Variants in ILDR2 observed in about 807,000 individuals in gnomAD.
The protein encoded by ILDR2 is immunoglobulin like domain containing receptor 2.
ILDR2 carries 25 observed loss-of-function variants against 66.8 expected under a neutral mutation model. The observed-to-expected ratio is 0.37, with a 90% CI of 0.27 to 0.52. The LOEUF (loss-of-function observed/expected upper bound fraction) is 0.52, where lower values mean the gene tolerates loss of function less well. Ranked by LOEUF, ILDR2 falls within the 20% of genes least tolerant of loss-of-function variation. The pLI is 0.88. For synonymous variants in ILDR2, 367 were observed against 357.2 expected (o/e 1.03, Z -0.31); for missense variants, 827 against 876.8 (o/e 0.94, Z 0.72).
chr1:166,934,884 A>G (rs1229899385), intron 6 of ILDR2, among the ~76,000 whole-genome samples: 1 of 152,146 alleles, frequency 6.6e-6, no homozygotes, highest in Non-Finnish European at 1.5e-5. Flanking sequence ...ACTCTTTAGC[A>G]TCTGATTATC....
rs199783659 is a variant in ILDR2 at position 166,909,262 on chromosome 1, T to C, written c.*10093A>G. On this transcript the variant is annotated 3_prime_UTR_variant, in exon 10 of 10. Transcript: ENST00000271417. The stretch of plus-strand genomic sequence containing the variant: ...ACTCTCAGACTGCTAGTGGCTATAT[T>C]CCTGCCTTTTGGAGTAAGTCTATCC... The C allele has an allele frequency of 1.3e-4, 20 of 152,306 alleles. No individual in the cohort carries two copies. In the East Asian group the frequency reaches 3.3e-3, roughly 25 times the overall value. 9.4% of individuals were successfully genotyped at this position (152,306 alleles called of 1,614,324 possible). A position where few individuals can be genotyped will look rare whatever the true frequency, so the allele number is the denominator to read the frequency against.
At position 166,919,310 on chromosome 1, in the gene ILDR2, T is replaced by A; in HGVS notation, c.*45A>T. ...TTCTTAGATTTGTGTCTTGTCCCCG[T>A]AGTCCATGTCTGATTTCTCATTATC... On this transcript the variant is annotated 3_prime_UTR_variant, in exon 10 of 10. Transcript: ENST00000271417. 2 of 1,569,148 alleles carry A rather than the reference T, an allele frequency of 1.3e-6. No individual in the cohort carries two copies. Among genetic ancestry groups the A allele is most frequent in the Non-Finnish European group, 8.8e-7 (1 of 1,141,452 alleles).
At chr1:166,944,443 C>G (rs1661498893) in intron 3 of ILDR2, among the ~76,000 whole-genome samples, 1 of 152,216 alleles carries the variant, frequency 6.6e-6, no homozygotes, top group Non-Finnish European at 1.5e-5. Flanking sequence ...GCCACAAGAA[C>G]TATTAAATCT....
Position 166,922,809 on chromosome 1 carries a change from T to C in ILDR2, c.995A>G (p.Tyr332Cys), listed in dbSNP as rs763267897. 24 of 1,613,496 alleles carry C rather than the reference T, an allele frequency of 1.5e-5. No individual in the cohort carries two copies. The South Asian group carries it at 1.9e-4, about 13-fold the overall frequency. The change falls in exon 8 of 10, where the codon TAT becomes TGT. Residue 332 changes from tyrosine to cysteine, a missense_variant and splice_region_variant. Around this residue, in one of 2 missense-constraint regions of ILDR2, gnomAD observed 437 missense variants for 523.2 expected, o/e 0.84. Transcript: ENST00000271417. ...GCTGAGTTCTGAGATGGTGTTGTTA[T>C]CTGCAGGGACAAAATCAGGCATGAT... ...FDPARRMRGRYNNTISELSSL... is the reference protein window; with the variant it reads ...FDPARRMRGRCNNTISELSSL...
intron 1 of ILDR2, among the ~76,000 whole-genome samples, chr1:166,971,727 T>C (rs936555979): frequency 3.9e-5 from 6 of 152,170 alleles, no homozygotes; most frequent in Non-Finnish European, 7.3e-5. Context: ...CTTCCCAAAG[T>C]GCTGGGATTA....
intron 1 of ILDR2, among the ~76,000 whole-genome samples, chr1:166,965,715 G>A (rs1050858749): frequency 3.1e-4 from 46 of 150,764 alleles, no homozygotes; most frequent in African/African-American, 1.1e-3. Context: ...TGGGACTACA[G>A]GTGCGTGCCA....
chr1:166,968,109 A>G (rs1663068619), intron 1 of ILDR2, among the ~76,000 whole-genome samples: 1 of 152,200 alleles, frequency 6.6e-6, no homozygotes, highest in Non-Finnish European at 1.5e-5. Flanking sequence ...TCTTGCTCTC[A>G]TTCTTAAAAT....
At chr1:166,965,409 C>A (rs1327157405) in intron 1 of ILDR2, among the ~76,000 whole-genome samples, 1 of 151,884 alleles carries the variant, frequency 6.6e-6, no homozygotes, top group Non-Finnish European at 1.5e-5. Flanking sequence ...GTACATTGAA[C>A]AATCAGAAAG....
intron 2 of ILDR2, among the ~76,000 whole-genome samples, chr1:166,901,334 T>C (rs550906248): frequency 3.9e-5 from 6 of 152,296 alleles, no homozygotes; most frequent in Admixed American, 3.3e-4. Flanking sequence ...CTCGGGGTTA[T>C]TACAAACATT....
intron 3 of ILDR2, among the ~76,000 whole-genome samples, chr1:166,944,233 C>A (rs552032957): frequency 6.6e-6 from 1 of 152,270 alleles, no homozygotes; most frequent in South Asian, 2.1e-4. Flanking sequence ...TTATCCTCAA[C>A]TGAACTCTTT....
At chr1:166,969,084 C>T (rs951278203) in intron 1 of ILDR2, among the ~76,000 whole-genome samples, 2 of 152,012 alleles carry the variant, frequency 1.3e-5, no homozygotes, top group African/African-American at 2.4e-5. Flanking sequence ...TCACAACAAC[C>T]CTATAAGGTA....
At chr1:166,954,754 G>A (rs1163241104) in intron 3 of ILDR2, among the ~76,000 whole-genome samples, 3 of 151,998 alleles carry the variant, frequency 2.0e-5, no homozygotes, top group African/African-American at 7.3e-5. Flanking sequence ...TCTGCTGCTG[G>A]CCCTTTTTTT....
In ILDR2 at chr1:166,966,764, T is replaced by C. The variant is rs990332213; in HGVS notation, c.46+8459A>G. ...AAGCAGTGCTAAAAGAGGTCAGTCT[T>C]TACCCTGCAATGTGGAGGTACTTTG... On this transcript the variant is annotated intron_variant, in intron 1 of 9. Transcript: ENST00000271417. Among the ~76,000 whole-genome samples, 3 of 152,186 alleles carry C rather than the reference T, an allele frequency of 2.0e-5. No individual in the cohort carries two copies. In the South Asian group the frequency reaches 6.2e-4, roughly 31 times the overall value.
chr1:166,974,757 G>T (rs1264298593), intron 1 of ILDR2, among the ~76,000 whole-genome samples: 7 of 152,172 alleles, frequency 4.6e-5, no homozygotes, highest in Non-Finnish European at 8.8e-5. Context: ...CTTCTCTAGG[G>T]AAGAAATTAA....
chr1:166,919,612 T>C (rs995577791), intron 9 of ILDR2, among the ~76,000 whole-genome samples: 3 of 152,192 alleles, frequency 2.0e-5, no homozygotes, highest in Non-Finnish European at 2.9e-5. Context: ...CAGAATAACT[T>C]CTCACCCCCT....
chr1:166,901,127 G>A (rs1659257421), intron 2 of ILDR2, among the ~76,000 whole-genome samples: 2 of 152,208 alleles, frequency 1.3e-5, no homozygotes, highest in Non-Finnish European at 2.9e-5. Flanking sequence ...TGGCCTGGAA[G>A]TATAGTCTGT....
chr1:166,955,372 C>T (rs1662217765), intron 3 of ILDR2, among the ~76,000 whole-genome samples: 1 of 152,092 alleles, frequency 6.6e-6, no homozygotes, highest in Non-Finnish European at 1.5e-5. Context: ...TTTTGGGAGG[C>T]CAGGGTGGGC....
chr1:166,949,168 G>A (rs1324676185), intron 3 of ILDR2, among the ~76,000 whole-genome samples: 1 of 152,212 alleles, frequency 6.6e-6, no homozygotes, highest in African/African-American at 2.4e-5. Context: ...CTTGCATATT[G>A]TAGAATGCTT....
At chr1:166,947,266 C>T (rs941577273) in intron 3 of ILDR2, among the ~76,000 whole-genome samples, 2 of 152,188 alleles carry the variant, frequency 1.3e-5, no homozygotes, top group African/African-American at 4.8e-5. Flanking sequence ...AGTCACTGTG[C>T]TCCATCCATC....
Sources: allele counts gnomAD v4.1 joint callset (sites outside exome capture counted in the v4.1 genomes callset), GRCh38; gene constraint gnomAD v4.1.1; regional missense constraint gnomAD v4.1.1; transcripts MANE v1.5; gene names NCBI Gene and HGNC (gene_info 2026-07-23, HGNC 2026-07-21).